The following DPH6 variants were observed in gnomAD, a reference collection of about 807,000 sequenced individuals.
DPH6 encodes the protein diphthine--ammonia ligase.
A neutral mutation model predicts 38.2 loss-of-function variants in DPH6; 33 were observed. That is an observed-to-expected ratio of 0.86 (90% CI 0.65 to 1.15). The LOEUF is 1.15. Ranked by LOEUF, DPH6 falls within the 50% of genes most tolerant of loss-of-function variation. The pLI is 0.00. For synonymous variants in DPH6, 108 were observed against 103.0 expected, an observed-to-expected ratio of 1.05 and a Z score of -0.30; for missense variants, 325 against 320.0, an observed-to-expected ratio of 1.02 and a Z score of -0.12.
At chr15:35,441,487 A>G (rs993563621) in intron 5 of DPH6, among the ~76,000 whole-genome samples, 2 of 152,254 alleles carry the variant, frequency 1.3e-5, no homozygotes, top group Non-Finnish European at 2.9e-5. Context: ...GCCATAAAAA[A>G]GGATGAGTTC....
chr15:35,201,948 C>A, the DPH6 span, among the ~76,000 whole-genome samples: 4 of 151,656 alleles, frequency 2.6e-5, no homozygotes, highest in Non-Finnish European at 4.4e-5. Context: ...TTATGTCAGT[C>A]CATTCCCATT....
the DPH6 span, among the ~76,000 whole-genome samples, chr15:35,180,121 G>C: frequency 6.6e-6 from 1 of 151,920 alleles, no homozygotes; most frequent in Non-Finnish European, 1.5e-5. Context: ...GAGAGAGAAG[G>C]TGACTGTCAT....
intron 3 of DPH6, chr15:35,238,155 A>AC: frequency 1.6e-6 from 1 of 619,624 alleles, no homozygotes. Flanking sequence ...CCTGAAACTT[A>AC]TTTTTTTTTC....
At chr15:35,496,567 A>AAAAAAAAATATATATATAT in intron 3 of DPH6, among the ~76,000 whole-genome samples, 23 of 31,010 alleles carry the variant, frequency 7.4e-4, no homozygotes, top group African/African-American at 3.0e-3. Flanking sequence ...AAAAAAAAAA[A>AAAAAAAAATATATATATAT]ATATATATAT....
chr15:35,353,238 A>G (rs1161176122), intron 3 of DPH6, among the ~76,000 whole-genome samples: 1 of 151,890 alleles, frequency 6.6e-6, no homozygotes, highest in African/African-American at 2.4e-5. Context: ...CTGCCTGTTC[A>G]CTCTGATGGT....
intron 3 of DPH6, among the ~76,000 whole-genome samples, chr15:35,342,851 TATTTTATTCTTTA>T: frequency 6.6e-6 from 1 of 152,248 alleles, no homozygotes; most frequent in Non-Finnish European, 1.5e-5. Context: ...TGGGTTATCT[TATTTTATTCTTTA>T]AGATATCAAA....
At chr15:35,429,130 A>T (rs1185998926) in intron 5 of DPH6, among the ~76,000 whole-genome samples, 1 of 152,148 alleles carries the variant, frequency 6.6e-6, no homozygotes, top group African/African-American at 2.4e-5. Flanking sequence ...AAAGGTACCT[A>T]TAACAAAACA....
intron 3 of DPH6, among the ~76,000 whole-genome samples, chr15:35,348,184 T>C (rs2052478701): frequency 6.6e-6 from 1 of 152,230 alleles, no homozygotes; most frequent in Non-Finnish European, 1.5e-5. Context: ...TTTACTTTTG[T>C]TGTCTGTGCC....
In DPH6 at chr15:35,489,990, A is replaced by C. The variant is rs184411456; in HGVS notation, c.313-35170T>G. The C allele has an allele frequency of 2.2e-3, 2,175 of 985,390 alleles. 2 individuals are homozygous for C. Among genetic ancestry groups the C allele is most frequent in the Admixed American group, 4.0e-3 (65 of 16,280 alleles). The allele number at this position is 985,390 out of a possible 1,614,324, so 61.0% of individuals were successfully genotyped here. On this transcript the variant is annotated intron_variant, in intron 3 of 8. Transcript: ENST00000256538. ...AAAACTATTTAATATGCATAAGCCC[A>C]GAAGAAAACCCTTTATGTAGAAGAG...
chr15:35,178,838 CAG>C, the DPH6 span, among the ~76,000 whole-genome samples: 1 of 152,034 alleles, frequency 6.6e-6, no homozygotes, highest in Non-Finnish European at 1.5e-5. Context: ...TTTTGAATAA[CAG>C]AGAATACATC....
chr15:35,390,541 C>T (rs2053039801), intron 6 of DPH6, among the ~76,000 whole-genome samples: 1 of 151,974 alleles, frequency 6.6e-6, no homozygotes, highest in African/African-American at 2.4e-5. Context: ...TTGTTCATTT[C>T]TTTTTATTCT....
intron 3 of DPH6, among the ~76,000 whole-genome samples, chr15:35,331,614 G>C (rs2052327563): frequency 6.6e-6 from 1 of 152,160 alleles, no homozygotes; most frequent in Non-Finnish European, 1.5e-5. Context: ...TTTTTTGAAA[G>C]ATGAATCCCA....
intron 6 of DPH6, among the ~76,000 whole-genome samples, chr15:35,389,993 C>T (rs1221975494): frequency 2.0e-5 from 3 of 152,152 alleles, no homozygotes; most frequent in African/African-American, 7.2e-5. Flanking sequence ...TTGTTCCTTT[C>T]CATATTTAGT....
chr15:35,413,074 G>A (rs542556985), intron 5 of DPH6, among the ~76,000 whole-genome samples: 7 of 151,540 alleles, frequency 4.6e-5, no homozygotes, highest in Admixed American at 1.3e-4. Flanking sequence ...GAGGTCATGC[G>A]GTATGGGGTC....
At chr15:35,177,580 C>CA in the DPH6 span, among the ~76,000 whole-genome samples, 210 of 60,182 alleles carry the variant, frequency 3.5e-3, no homozygotes, top group Admixed American at 6.3e-3. Context: ...ATCCCATCTC[C>CA]AAAAAAAAAA....
rs370522901 is a variant in DPH6 at position 35,229,016 on chromosome 15, C to T, written n.201-8434G>A. Reference sequence around the variant, plus strand: ...CCTTTGAAAGTTTGATTATTAAATGCCCTGAGGTAGTCTTCCTTGGGTTAA... The same window carrying T: ...CCTTTGAAAGTTTGATTATTAAATGTCCTGAGGTAGTCTTCCTTGGGTTAA... On this transcript the variant is annotated intron_variant and non_coding_transcript_variant, in intron 3 of 3. Coordinates refer to the DPH6 transcript ENST00000560386. Among the ~76,000 whole-genome samples, 51 of 152,162 alleles carry T rather than the reference C, an allele frequency of 3.4e-4. 1 individual carries two copies. In the East Asian group the frequency reaches 7.7e-3, roughly 23 times the overall value.
chr15:35,473,446 A>T (rs758525568), intron 3 of DPH6, among the ~76,000 whole-genome samples: 4 of 144,874 alleles, frequency 2.8e-5, no homozygotes, highest in Non-Finnish European at 6.0e-5. Flanking sequence ...CTATGTTAAA[A>T]CCTATCCAGC....
intron 3 of DPH6, among the ~76,000 whole-genome samples, chr15:35,524,368 G>A (rs1047319890): frequency 6.6e-6 from 1 of 152,078 alleles, no homozygotes; most frequent in Non-Finnish European, 1.5e-5. Flanking sequence ...TGAGAGCTCT[G>A]AAACAAGATC....
chr15:35,509,804 T>C (rs1365856691), intron 3 of DPH6, among the ~76,000 whole-genome samples: 1 of 152,224 alleles, frequency 6.6e-6, no homozygotes, highest in Non-Finnish European at 1.5e-5. Flanking sequence ...CCTTCTTACT[T>C]ATCTTTCTTT....
Sources: gnomAD v4.1 joint callset for allele counts (sites outside exome capture counted in the v4.1 genomes callset) on GRCh38, gnomAD v4.1.1 for gene constraint, MANE v1.5 for transcripts, NCBI Gene and HGNC (gene_info 2026-07-23, HGNC 2026-07-21) for gene names.